ITPR2: variants seen among roughly 807,000 people sequenced by gnomAD.
The protein encoded by ITPR2 is inositol 1,4,5-trisphosphate-gated calcium channel ITPR2.
A neutral mutation model predicts 317.1 loss-of-function variants in ITPR2; 207 were observed. The observed-to-expected ratio is 0.65, with a 90% confidence interval of 0.58 to 0.73. The LOEUF is 0.73. ITPR2 is among the 30% of genes least tolerant of loss of function. ITPR2 has a pLI of 0.00. For synonymous variants in ITPR2, 1,156 were observed against 1,149.1 expected (o/e 1.01, Z -0.12); for missense variants, 2,613 against 3,284.0 (o/e 0.80, Z 4.99).
intron 52 of ITPR2, 130 bp from the exon 53 acceptor site, chr12:26,400,388 T>C: frequency 2.7e-6 from 1 of 370,194 alleles, no homozygotes; most frequent in Non-Finnish European, 4.5e-6. Flanking sequence ...TATACACATA[T>C]GTAAATATAC....
At chr12:26,647,329 T>A (rs1947135797) in intron 21 of ITPR2, among the ~76,000 whole-genome samples, 1 of 152,270 alleles carries the variant, frequency 6.6e-6, no homozygotes, top group South Asian at 2.1e-4. Flanking sequence ...TATCATGCTG[T>A]TCCACAGAAG....
chr12:26,404,720 A>T (rs76471965), intron 52 of ITPR2, among the ~76,000 whole-genome samples: 21,624 of 152,148 alleles, frequency 0.14, 1,734 homozygotes, highest in African/African-American at 0.22. Flanking sequence ...TTGGGACCTA[A>T]GATGTGTGTA....
intron 1 of ITPR2, among the ~76,000 whole-genome samples, chr12:26,812,884 T>A (rs1950781245): frequency 6.6e-6 from 1 of 152,270 alleles, no homozygotes; most frequent in African/African-American, 2.4e-5. Context: ...CATCTATTTA[T>A]TCAATGATTT....
intron 32 of ITPR2, among the ~76,000 whole-genome samples, chr12:26,593,908 C>A (rs1945771930): frequency 6.6e-6 from 1 of 152,166 alleles, no homozygotes; most frequent in Non-Finnish European, 1.5e-5. Context: ...ATGCTGCCTA[C>A]AATGTGACCT....
chr12:26,825,281 A>G (rs1023379000), intron 1 of ITPR2, among the ~76,000 whole-genome samples: 3 of 152,202 alleles, frequency 2.0e-5, no homozygotes, highest in African/African-American at 7.2e-5. Context: ...ATGAACGATC[A>G]TTAAAATTTC....
chr12:26,479,788 T>C (rs749648277), intron 43 of ITPR2, among the ~76,000 whole-genome samples: 21 of 152,136 alleles, frequency 1.4e-4, no homozygotes, highest in Non-Finnish European at 3.1e-4. Flanking sequence ...TAAAAAAGCA[T>C]TTAAGCTGGG....
intron 45 of ITPR2, among the ~76,000 whole-genome samples, chr12:26,457,771 T>C (rs147234493): frequency 6.6e-6 from 1 of 152,320 alleles, no homozygotes; most frequent in East Asian, 1.9e-4. Context: ...ATCCTCCTTG[T>C]TAACTGAACA....
intron 10 of ITPR2, among the ~76,000 whole-genome samples, chr12:26,688,483 T>C (rs1948172701): frequency 6.7e-6 from 1 of 149,126 alleles, no homozygotes; most frequent in Non-Finnish European, 1.5e-5. Context: ...TGCAGTTACC[T>C]AAAAAAGATG....
chr12:26,641,313 G>A (rs922049492), intron 21 of ITPR2, among the ~76,000 whole-genome samples: 1 of 151,964 alleles, frequency 6.6e-6, no homozygotes, highest in East Asian at 1.9e-4. Flanking sequence ...TCGTAGATAT[G>A]TACTACATTG....
At chr12:26,391,549 TC>T (rs1565501131) in intron 54 of ITPR2, among the ~76,000 whole-genome samples, 3 of 111,092 alleles carry the variant, frequency 2.7e-5, no homozygotes, top group African/African-American at 9.2e-5. Context: ...TTCTTCTTCT[TC>T]TTTTCCTTTT....
chr12:26,464,340 T>C (rs945354843), intron 45 of ITPR2, among the ~76,000 whole-genome samples: 3 of 152,192 alleles, frequency 2.0e-5, no homozygotes, highest in African/African-American at 4.8e-5. Context: ...TAACAGATCA[T>C]CATGCATTAG....
At chr12:26,734,163 A>G (rs948572602) in intron 2 of ITPR2, among the ~76,000 whole-genome samples, 3 of 152,212 alleles carry the variant, frequency 2.0e-5, no homozygotes, top group African/African-American at 7.2e-5. Context: ...AGAGAAACTC[A>G]GAATGTTTTA....
intron 54 of ITPR2, among the ~76,000 whole-genome samples, 187 bp downstream of exon 54, chr12:26,398,689 A>G (rs1354450967): frequency 6.6e-6 from 1 of 152,234 alleles, no homozygotes. Context: ...GCTTTGGGGT[A>G]TAATTCCTCT....
chr12:26,785,481 G>A (rs1158732258), intron 2 of ITPR2, among the ~76,000 whole-genome samples: 8 of 70,914 alleles, frequency 1.1e-4, no homozygotes, highest in Non-Finnish European at 1.4e-4. Flanking sequence ...GGTGAGGGGC[G>A]CCTCTGCCCG....
chr12:26,479,999 C>T (rs1163924079), intron 43 of ITPR2, among the ~76,000 whole-genome samples: 1 of 152,166 alleles, frequency 6.6e-6, no homozygotes, highest in Admixed American at 6.6e-5. Flanking sequence ...ATTGTACTAC[C>T]CAAACCTAAA....
chr12:26,360,506 C>A (rs951053748), intron 55 of ITPR2, among the ~76,000 whole-genome samples: 1 of 152,010 alleles, frequency 6.6e-6, no homozygotes, highest in Non-Finnish European at 1.5e-5. Context: ...AATTAGATTA[C>A]AGGAGGTGTC....
chr12:26,737,776 G>T (rs1191015087), intron 2 of ITPR2, among the ~76,000 whole-genome samples: 1 of 152,140 alleles, frequency 6.6e-6, no homozygotes, highest in Admixed American at 6.6e-5. Context: ...ACATCAAAAT[G>T]CTCAAAGTTA....
chr12:26,595,320 A>G (rs1322820753), intron 32 of ITPR2, 145 bp downstream of exon 32: 4 of 744,298 alleles, frequency 5.4e-6, no homozygotes, highest in African/African-American at 1.8e-5. Flanking sequence ...CTCACTCACA[A>G]TCTTCTGAAA....
intron 55 of ITPR2, among the ~76,000 whole-genome samples, chr12:26,373,009 C>T (rs1368347787): frequency 6.6e-6 from 1 of 152,096 alleles, no homozygotes; most frequent in African/African-American, 2.4e-5. Context: ...CTGAAAAGGC[C>T]GCAGCACAAG....
Sources: gnomAD v4.1 joint callset for allele counts (sites outside exome capture counted in the v4.1 genomes callset) on GRCh38, gnomAD v4.1.1 for gene constraint, MANE v1.5 for transcripts, NCBI Gene and HGNC (gene_info 2026-07-23, HGNC 2026-07-21) for gene names.